The following GALNT13 variants were observed in gnomAD, a reference collection of about 807,000 sequenced individuals.
GALNT13 encodes the protein polypeptide N-acetylgalactosaminyltransferase 13.
A neutral mutation model predicts 64.2 loss-of-function variants in GALNT13; 28 were observed. The ratio of observed to expected loss-of-function variants is 0.44; its 90% CI spans 0.32 to 0.60. GALNT13 has a LOEUF of 0.60. GALNT13 is among the 20% of genes least tolerant of loss of function. GALNT13 has a pLI of 0.05. For missense variants in GALNT13, 577 were observed against 669.8 expected (o/e 0.86, Z 1.53); for synonymous variants, 214 against 224.6 (o/e 0.95, Z 0.42).
At chr2:153,327,479 CTT>C in the GALNT13 span, among the ~76,000 whole-genome samples, 1 of 151,930 alleles carries the variant, frequency 6.6e-6, no homozygotes, top group Non-Finnish European at 1.5e-5. Flanking sequence ...TTTTTGGAGA[CTT>C]TGTTCATTCC....
intron 9 of GALNT13, among the ~76,000 whole-genome samples, chr2:154,341,643 A>C (rs939104967): frequency 6.6e-6 from 1 of 152,078 alleles, no homozygotes; most frequent in African/African-American, 2.4e-5. Flanking sequence ...AAAGAGGCAC[A>C]TAGGCCACTA....
chr2:153,614,017 TA>T, the GALNT13 span, among the ~76,000 whole-genome samples: 33 of 145,614 alleles, frequency 2.3e-4, no homozygotes, highest in South Asian at 4.3e-4. Flanking sequence ...ATAATAATAA[TA>T]AAAAAAAAAG....
chr2:154,195,024 C>T (rs1481358468), intron 4 of GALNT13, among the ~76,000 whole-genome samples: 1 of 152,012 alleles, frequency 6.6e-6, no homozygotes, highest in Non-Finnish European at 1.5e-5. Flanking sequence ...TTCCCTCCCC[C>T]TTGCCTTCCA....
At chr2:154,038,190 C>A (rs1032692456) in intron 3 of GALNT13, among the ~76,000 whole-genome samples, 13 of 152,048 alleles carry the variant, frequency 8.5e-5, no homozygotes, top group African/African-American at 2.4e-4. Context: ...GTTACAATGA[C>A]CATACTACCC....
At chr2:154,272,520 T>C (rs531931136) in intron 8 of GALNT13, among the ~76,000 whole-genome samples, 4 of 152,220 alleles carry the variant, frequency 2.6e-5, no homozygotes, top group South Asian at 2.1e-4. Context: ...TAAAAGTCTT[T>C]ATAATCTTTC....
chr2:154,355,141 G>T (rs200187207), intron 9 of GALNT13, among the ~76,000 whole-genome samples: 2 of 151,922 alleles, frequency 1.3e-5, no homozygotes, highest in Non-Finnish European at 2.9e-5. Flanking sequence ...TTGTCCCCAC[G>T]CCCAGCCACA....
chr2:153,116,078 A>G, the GALNT13 span, among the ~76,000 whole-genome samples: 2 of 152,212 alleles, frequency 1.3e-5, no homozygotes, highest in African/African-American at 2.4e-5. Flanking sequence ...AAAAAATACC[A>G]GAATGTTACA....
At chr2:153,269,986 G>A in the GALNT13 span, among the ~76,000 whole-genome samples, 1 of 152,096 alleles carries the variant, frequency 6.6e-6, no homozygotes, top group East Asian at 1.9e-4. Context: ...ATGAGATTTG[G>A]GTAGGGACAC....
At chr2:153,674,727 G>A in the GALNT13 span, among the ~76,000 whole-genome samples, 1 of 152,118 alleles carries the variant, frequency 6.6e-6, no homozygotes, top group East Asian at 1.9e-4. Flanking sequence ...AAGAGCTTCT[G>A]CACAACAAAA....
chr2:153,115,820 G>A, the GALNT13 span, among the ~76,000 whole-genome samples: 1 of 152,132 alleles, frequency 6.6e-6, no homozygotes, highest in African/African-American at 2.4e-5. Flanking sequence ...TTCAGCTAAA[G>A]GTTACTGTCA....
the GALNT13 span, among the ~76,000 whole-genome samples, chr2:153,635,633 C>A: frequency 1.3e-5 from 2 of 151,878 alleles, no homozygotes; most frequent in South Asian, 2.1e-4. Flanking sequence ...GAAGAGGCAC[C>A]ACCCACTGTC....
the GALNT13 span, among the ~76,000 whole-genome samples, chr2:153,255,080 C>T: frequency 6.6e-6 from 1 of 152,062 alleles, no homozygotes; most frequent in Non-Finnish European, 1.5e-5. Flanking sequence ...GTGAAAGTCT[C>T]CCATTATTAA....
intron 4 of GALNT13, among the ~76,000 whole-genome samples, chr2:154,191,170 A>G (rs1012742417): frequency 3.9e-5 from 6 of 152,254 alleles, no homozygotes; most frequent in African/African-American, 1.4e-4. Context: ...AGGTGTTTTC[A>G]GTATGATAAG....
the GALNT13 span, among the ~76,000 whole-genome samples, chr2:153,574,697 C>T: frequency 6.7e-6 from 1 of 148,976 alleles, no homozygotes; most frequent in Non-Finnish European, 1.5e-5. Context: ...CTGCTTGATG[C>T]TTTATAATTA....
chr2:154,147,114 C>A (rs998961843), intron 4 of GALNT13, among the ~76,000 whole-genome samples: 1 of 151,838 alleles, frequency 6.6e-6, no homozygotes, highest in Non-Finnish European at 1.5e-5. Context: ...TGCAATGAAT[C>A]TTTAGCATTA....
intron 10 of GALNT13, among the ~76,000 whole-genome samples, chr2:154,396,902 T>C (rs919522455): frequency 2.0e-5 from 3 of 150,784 alleles, no homozygotes; most frequent in African/African-American, 7.3e-5. Context: ...ATACAAACTG[T>C]ATATAATGTA....
the GALNT13 span, among the ~76,000 whole-genome samples, chr2:153,151,673 C>A: frequency 1.3e-5 from 2 of 152,078 alleles, no homozygotes; most frequent in Non-Finnish European, 2.9e-5. Flanking sequence ...AGTTCATGTC[C>A]TCTGTAGGGA....
chr2:153,170,285 A>G, the GALNT13 span, among the ~76,000 whole-genome samples: 1 of 152,154 alleles, frequency 6.6e-6, no homozygotes, highest in Non-Finnish European at 1.5e-5. Context: ...ATAATATATC[A>G]GAGAAAGATT....
intron 9 of GALNT13, among the ~76,000 whole-genome samples, chr2:154,340,825 C>T (rs904426109): frequency 6.6e-6 from 1 of 151,970 alleles, no homozygotes; most frequent in African/African-American, 2.4e-5. Context: ...ATCCTTAACA[C>T]GTTTATAAGA....
Sources: allele counts gnomAD v4.1 joint callset (sites outside exome capture counted in the v4.1 genomes callset), GRCh38; gene constraint gnomAD v4.1.1; transcripts MANE v1.5; gene names NCBI Gene and HGNC (gene_info 2026-07-23, HGNC 2026-07-21).